EPB41L4A: variants seen among roughly 807,000 people sequenced by gnomAD.
The protein encoded by EPB41L4A is band 4.1-like protein 4A.
Under a neutral mutation model 108.6 loss-of-function variants are expected in EPB41L4A, and 100 were observed. That is an observed-to-expected ratio of 0.92 (90% CI 0.78 to 1.09). The LOEUF is 1.09. Ranked by LOEUF, EPB41L4A falls within the 50% of genes least tolerant of loss-of-function variation. The pLI is 0.00. For missense variants in EPB41L4A, 1,030 were observed against 842.7 expected (o/e 1.22, Z -2.75); for synonymous variants, 319 against 289.0 (o/e 1.10, Z -1.05).
intron 1 of EPB41L4A, among the ~76,000 whole-genome samples, chr5:112,402,523 G>C (rs991188242): frequency 6.6e-6 from 1 of 151,962 alleles, no homozygotes; most frequent in Non-Finnish European, 1.5e-5. Flanking sequence ...TTGCTTCAGC[G>C]GCACATATAC....
intron 12 of EPB41L4A, among the ~76,000 whole-genome samples, chr5:112,153,711 A>G (rs965099779): frequency 1.3e-5 from 2 of 151,594 alleles, no homozygotes; most frequent in African/African-American, 4.8e-5. Context: ...AAGGATATAG[A>G]AGATTGGAAT....
chr5:112,254,478 T>C (rs1017428337), intron 9 of EPB41L4A, among the ~76,000 whole-genome samples: 2 of 152,148 alleles, frequency 1.3e-5, no homozygotes, highest in Non-Finnish European at 1.5e-5. Context: ...CATCCGATCA[T>C]GGAGGGTGAA....
At chr5:112,399,514 G>T (rs1047377599) in intron 1 of EPB41L4A, among the ~76,000 whole-genome samples, 2 of 152,124 alleles carry the variant, frequency 1.3e-5, no homozygotes, top group Non-Finnish European at 2.9e-5. Flanking sequence ...TCTGTTTAAA[G>T]AATGACTATC....
intron 1 of EPB41L4A, among the ~76,000 whole-genome samples, chr5:112,395,660 T>C (rs943136956): frequency 1.3e-5 from 2 of 152,206 alleles, no homozygotes; most frequent in African/African-American, 4.8e-5. Context: ...GAATGTAAAC[T>C]AGTTCAACCA....
At chr5:112,289,325 G>C (rs148272938) in intron 2 of EPB41L4A, among the ~76,000 whole-genome samples, 54 of 152,238 alleles carry the variant, frequency 3.5e-4, no homozygotes, top group Middle Eastern at 3.4e-3. Context: ...TGATCACCTT[G>C]ACAGCAAGTA....
At chr5:112,375,336 T>C (rs200554935) in intron 1 of EPB41L4A, among the ~76,000 whole-genome samples, 2,478 of 134,186 alleles carry the variant, frequency 0.018, 59 homozygotes, top group African/African-American at 0.069. Context: ...CACACACACA[T>C]ACACACACAC....
chr5:112,310,621 C>A (rs904781124), intron 1 of EPB41L4A, among the ~76,000 whole-genome samples: 20 of 152,134 alleles, frequency 1.3e-4, no homozygotes, highest in African/African-American at 4.6e-4. Flanking sequence ...TTATCAAGTT[C>A]TTTTTGGGAA....
chr5:112,358,943 T>C (rs1758537950), intron 1 of EPB41L4A, among the ~76,000 whole-genome samples: 1 of 152,088 alleles, frequency 6.6e-6, no homozygotes, highest in South Asian at 2.1e-4. Context: ...GACACAAAAA[T>C]ATATATATTG....
chr5:112,164,434 G>C lies in EPB41L4A; in HGVS notation c.*556C>G, dbSNP rs1255577725. ...TCTGGTCTTGGTTGTGGTGGACACA[G>C]ACACAAGATAGAAATGAATGATTGC... is the stretch of plus-strand genomic sequence containing the variant. On this transcript the variant is annotated 3_prime_UTR_variant, in exon 23 of 23. Transcript: ENST00000261486. 1 of 152,214 alleles carries C rather than the reference G, an allele frequency of 6.6e-6. No homozygotes were observed. The highest frequency in any genetic ancestry group is 2.4e-5 in the African/African-American group (1 of 41,440). 9.4% of individuals were successfully genotyped at this position (152,214 alleles called of 1,614,324 possible).
chr5:112,226,009 A>G (rs1393553614), intron 12 of EPB41L4A, among the ~76,000 whole-genome samples: 5 of 152,214 alleles, frequency 3.3e-5, no homozygotes, highest in African/African-American at 9.6e-5. Flanking sequence ...AGCGATCATT[A>G]GTCCTGACAT....
At chr5:112,362,756 T>G (rs1160118222) in intron 1 of EPB41L4A, among the ~76,000 whole-genome samples, 1 of 152,174 alleles carries the variant, frequency 6.6e-6, no homozygotes, top group East Asian at 1.9e-4. Flanking sequence ...ACTTTACTGT[T>G]CTCTTAAATA....
At position 112,262,514 on chromosome 5, in the gene EPB41L4A, C is replaced by T. The variant is rs201959084; in HGVS notation, c.622G>A (p.Val208Ile). 251 of 1,613,680 alleles carry T rather than the reference C, an allele frequency of 1.6e-4. No homozygotes were observed. Among genetic ancestry groups the T allele is most frequent in the Non-Finnish European group, 1.9e-4 (229 of 1,179,768 alleles). The stretch of plus-strand genomic sequence containing the variant: ...CTCACATAGACGGGATGGAGGTCAA[C>T]GCCATACATCTCCAGGGATTTGGCA... ...RTAKSLEMYG[V>I]DLHPVYGENK... Residue 208 changes from valine (V) to isoleucine (I), a missense_variant, in exon 7 of 23, where the codon GTT (valine) becomes ATT (isoleucine). Physicochemically the swap from Val to Ile is conservative, Grantham distance 29. Transcript: ENST00000261486.
chr5:112,318,267 C>T (rs111693268), intron 1 of EPB41L4A, among the ~76,000 whole-genome samples: 114 of 152,168 alleles, frequency 7.5e-4, no homozygotes, highest in African/African-American at 2.5e-3. Context: ...AAAAACAAAG[C>T]AGTCCACAAG....
At chr5:112,395,153 C>T (rs962741923) in intron 1 of EPB41L4A, among the ~76,000 whole-genome samples, 8 of 152,152 alleles carry the variant, frequency 5.3e-5, no homozygotes, top group Admixed American at 5.2e-4. Flanking sequence ...TAGAAGAAAA[C>T]CTAGGCAATA....
chr5:112,395,486 C>A (rs901732899), intron 1 of EPB41L4A, among the ~76,000 whole-genome samples: 7 of 152,152 alleles, frequency 4.6e-5, no homozygotes, highest in African/African-American at 1.7e-4. Context: ...CCAACAGACA[C>A]ATGAAAAAAT....
intron 13 of EPB41L4A, among the ~76,000 whole-genome samples, chr5:112,145,588 G>C (rs1186168580): frequency 6.6e-6 from 1 of 152,090 alleles, no homozygotes; most frequent in Non-Finnish European, 1.5e-5. Flanking sequence ...ACATGCTATT[G>C]ACTTTAGGAC....
At chr5:112,261,885 A>ATTTTTT (rs35793398) in intron 7 of EPB41L4A, among the ~76,000 whole-genome samples, 5 of 112,448 alleles carry the variant, frequency 4.4e-5, no homozygotes, top group South Asian at 3.0e-4. Flanking sequence ...TTACACACCA[A>ATTTTTT]TTTTTTTTTT....
At chr5:112,276,188 T>C (rs914696911) in intron 3 of EPB41L4A, among the ~76,000 whole-genome samples, 5 of 152,226 alleles carry the variant, frequency 3.3e-5, no homozygotes, top group Non-Finnish European at 7.3e-5. Flanking sequence ...TTCTTAAACA[T>C]TTCTGAATCT....
downstream of EPB41L4A, chr5:112,161,004 C>A (rs1759857690): frequency 6.4e-6 from 1 of 156,180 alleles, no homozygotes; most frequent in East Asian, 1.9e-4. Context: ...GAGTCGACTG[C>A]GGCGGCCTGT....
Sources: allele counts gnomAD v4.1 joint callset (sites outside exome capture counted in the v4.1 genomes callset), GRCh38; gene constraint gnomAD v4.1.1; transcripts MANE v1.5; gene names NCBI Gene and HGNC (gene_info 2026-07-23, HGNC 2026-07-21).